The following DEUP1 variants were observed in gnomAD, a reference collection of about 807,000 sequenced individuals.
DEUP1 encodes coiled-coil domain containing 67.
DEUP1 carries 82 observed loss-of-function variants against 87.4 expected under a neutral mutation model. That is an observed-to-expected ratio of 0.94 (90% CI 0.78 to 1.13). DEUP1 has a LOEUF of 1.13. Among genes scored for constraint, DEUP1 ranks in the 50% most tolerant of loss-of-function variants. The pLI, the probability that DEUP1 is intolerant of heterozygous loss-of-function variation, is 0.00. For synonymous variants in DEUP1, 214 were observed against 222.7 expected (o/e 0.96, Z 0.35); for missense variants, 663 against 681.5 (o/e 0.97, Z 0.30).
At chr11:93,413,338 T>C (rs1415882623) in intron 12 of DEUP1, among the ~76,000 whole-genome samples, 1 of 151,140 alleles carries the variant, frequency 6.6e-6, no homozygotes, top group Non-Finnish European at 1.5e-5. Flanking sequence ...GCCTCCCGGG[T>C]TCACGCCATT....
Position 93,356,963 on chromosome 11 carries a change from C to T in DEUP1, c.217C>T (p.Gln73Ter). 2 of 1,598,270 alleles carry T rather than the reference C, an allele frequency of 1.3e-6. No homozygotes were observed. Among genetic ancestry groups the T allele is most frequent in the Non-Finnish European group, 8.5e-7 (1 of 1,173,084 alleles). The change falls in exon 4 of 14, where the codon CAG (glutamine) becomes TAG (stop). Residue 73 changes from glutamine to a stop codon, truncating the protein, a stop_gained. Transcript: ENST00000298050. LOFTEE classifies it high-confidence loss of function. Reference sequence around the variant, plus strand: ...CTTCATGCAGGTAGGGTTACTTCGACAGAAATTGGACAGTCTGGAAAAATG... The same window carrying T: ...CTTCATGCAGGTAGGGTTACTTCGATAGAAATTGGACAGTCTGGAAAAATG... ...QKGQEVGLLR[Q>*]KLDSLEKCNL...
At chr11:93,360,154 A>G (rs1945098332) in intron 4 of DEUP1, among the ~76,000 whole-genome samples, 1 of 152,138 alleles carries the variant, frequency 6.6e-6, no homozygotes, top group African/African-American at 2.4e-5. Context: ...CTTCAATCAA[A>G]GTGTATTAGT....
chr11:93,357,681 A>T (rs1195224833), intron 4 of DEUP1, among the ~76,000 whole-genome samples: 4 of 152,182 alleles, frequency 2.6e-5, no homozygotes, highest in Non-Finnish European at 4.4e-5. Flanking sequence ...TAGTGAATGA[A>T]TCAATGGGAA....
intron 8 of DEUP1, 51 bp from the exon 9 acceptor site, chr11:93,388,969 A>G (rs1390974421): frequency 4.6e-5 from 46 of 1,009,528 alleles, no homozygotes; most frequent in Non-Finnish European, 6.7e-5. Flanking sequence ...AATCGTTACA[A>G]TTTATCAAGT....
At chr11:93,418,357 A>G (rs1469419392) in intron 13 of DEUP1, among the ~76,000 whole-genome samples, 6 of 152,112 alleles carry the variant, frequency 3.9e-5, no homozygotes, top group Non-Finnish European at 8.8e-5. Flanking sequence ...CAACCCCATC[A>G]AAAAGTGGGC....
At chr11:93,355,231 C>A in intron 2 of DEUP1, 140 bp from the exon 3 acceptor site, 1 of 745,022 alleles carries the variant, frequency 1.3e-6, no homozygotes, top group Non-Finnish European at 2.1e-6. Flanking sequence ...AATTAACCTT[C>A]AGCTTTTGAA....
intron 9 of DEUP1, among the ~76,000 whole-genome samples, chr11:93,392,091 G>A (rs1946781804): frequency 6.6e-6 from 1 of 152,194 alleles, no homozygotes; most frequent in South Asian, 2.1e-4. Flanking sequence ...GCCTGATGGT[G>A]ATCACATTTG....
intron 8 of DEUP1, among the ~76,000 whole-genome samples, chr11:93,387,054 G>C (rs971188261): frequency 2.0e-5 from 3 of 152,068 alleles, no homozygotes; most frequent in Admixed American, 6.6e-5. Context: ...TGTTCTGCCT[G>C]TTTACCATCC....
At chr11:93,436,992 C>G (rs1351439810) in intron 13 of DEUP1, among the ~76,000 whole-genome samples, 1 of 152,084 alleles carries the variant, frequency 6.6e-6, no homozygotes, top group Admixed American at 6.5e-5. Context: ...CTGATACTTT[C>G]TTCTCTGTGA....
chr11:93,415,749 T>G (rs761784035), intron 13 of DEUP1, among the ~76,000 whole-genome samples: 7 of 152,088 alleles, frequency 4.6e-5, no homozygotes, highest in African/African-American at 7.2e-5. Context: ...ATTTTGTTTC[T>G]GGCTTCTTTT....
chr11:93,367,457 C>G (rs1041129504), intron 5 of DEUP1, among the ~76,000 whole-genome samples: 1 of 152,104 alleles, frequency 6.6e-6, no homozygotes, highest in Non-Finnish European at 1.5e-5. Context: ...ATGAACTGTT[C>G]CAATTTGATA....
chr11:93,405,713 C>T (rs935536351), intron 11 of DEUP1, among the ~76,000 whole-genome samples: 1 of 151,790 alleles, frequency 6.6e-6, no homozygotes, highest in African/African-American at 2.4e-5. Flanking sequence ...ACTAATATGA[C>T]AGTATGTAAA....
chr11:93,340,871 T>G (rs1448391218), intron 2 of DEUP1, among the ~76,000 whole-genome samples: 1 of 152,174 alleles, frequency 6.6e-6, no homozygotes, highest in African/African-American at 2.4e-5. Flanking sequence ...CTGTTATATA[T>G]CCAAGTGAAG....
chr11:93,430,341 A>G (rs1948065552), intron 13 of DEUP1, among the ~76,000 whole-genome samples: 1 of 152,240 alleles, frequency 6.6e-6, no homozygotes, highest in Non-Finnish European at 1.5e-5. Flanking sequence ...AAACTTCATC[A>G]ATGGATGAAT....
At chr11:93,351,655 G>C (rs1334777871) in intron 2 of DEUP1, among the ~76,000 whole-genome samples, 1 of 152,118 alleles carries the variant, frequency 6.6e-6, no homozygotes, top group Non-Finnish European at 1.5e-5. Flanking sequence ...TATTTATAGA[G>C]GAATTAGTAT....
chr11:93,331,018 G>A (rs1943445732), intron 1 of DEUP1, among the ~76,000 whole-genome samples: 1 of 152,232 alleles, frequency 6.6e-6, no homozygotes, highest in Non-Finnish European at 1.5e-5. Context: ...GGCTTCAGTT[G>A]TGTGGCCTTG....
At chr11:93,346,298 A>G (rs535325575) in intron 2 of DEUP1, among the ~76,000 whole-genome samples, 80 of 152,322 alleles carry the variant, frequency 5.3e-4, no homozygotes, top group Non-Finnish European at 8.8e-4. Flanking sequence ...ATCTTGGCTC[A>G]CTGCAACCTC....
chr11:93,417,875 C>G (rs935111540), intron 13 of DEUP1, among the ~76,000 whole-genome samples: 5 of 151,966 alleles, frequency 3.3e-5, no homozygotes, highest in Non-Finnish European at 7.4e-5. Flanking sequence ...GAAATAATAC[C>G]GCATATCTAC....
At chr11:93,383,393 T>C in intron 7 of DEUP1, 1 of 423,418 alleles carries the variant, frequency 2.4e-6, no homozygotes, top group Non-Finnish European at 4.2e-6. Flanking sequence ...TGACACCATT[T>C]GTATGAAACA....
Sources: gnomAD v4.1 joint callset for allele counts (sites outside exome capture counted in the v4.1 genomes callset) on GRCh38, gnomAD v4.1.1 for gene constraint, MANE v1.5 for transcripts, NCBI Gene and HGNC (gene_info 2026-07-23, HGNC 2026-07-21) for gene names.